Variants in GATAD2A observed in about 807,000 individuals in gnomAD.
The protein encoded by GATAD2A is GATA zinc finger domain containing 2A.
Under a neutral mutation model 68.5 loss-of-function variants are expected in GATAD2A, and 12 were observed. That is an observed-to-expected ratio of 0.18 (90% CI 0.11 to 0.28). The LOEUF (loss-of-function observed/expected upper bound fraction) is 0.28. Ranked by LOEUF, GATAD2A falls within the 10% of genes least tolerant of loss-of-function variation. The pLI is 1.00. For synonymous variants in GATAD2A, 410 were observed against 375.3 expected (o/e 1.09, Z -1.07); for missense variants, 755 against 868.5 (o/e 0.87, Z 1.64).
At position 19,412,807 on chromosome 19, in the gene GATAD2A, C is replaced by T. The variant is rs562367803; in HGVS notation, c.-7+6788C>T. Among the ~76,000 whole-genome samples the T allele has an allele frequency of 3.9e-5, 6 of 152,272 alleles. No individual in the cohort carries two copies. In the East Asian group the frequency reaches 9.6e-4, roughly 24 times the overall value. On this transcript the variant is annotated intron_variant, in intron 1 of 11. Coordinates refer to ENST00000683918, the MANE Select transcript of GATAD2A (RefSeq NM_001384528.1). ...ACTCAACACATTCTTACCTTAGAGA[C>T]GGCTGCTTGCCCTGACCTCGGAGGT...
At chr19:19,457,109 T>C (rs1195005175) in intron 1 of GATAD2A, 1 of 985,480 alleles carries the variant, frequency 1.0e-6, no homozygotes, top group Non-Finnish European at 1.2e-6. Context: ...CTGTGACACC[T>C]CTGCCCACGC....
chr19:19,500,814 G>C (rs1370127108), intron 8 of GATAD2A, among the ~76,000 whole-genome samples: 1 of 152,224 alleles, frequency 6.6e-6, no homozygotes, highest in Non-Finnish European at 1.5e-5. Flanking sequence ...TGGGTGACTT[G>C]CCTGTCACCC....
chr19:19,415,618 A>ATTTTT (rs71170682), intron 1 of GATAD2A, among the ~76,000 whole-genome samples: 1 of 118,056 alleles, frequency 8.5e-6, no homozygotes. Flanking sequence ...CCGGGCTAAT[A>ATTTTT]TTTTTTTTTT....
At chr19:19,412,657 A>C (rs926634800) in intron 1 of GATAD2A, among the ~76,000 whole-genome samples, 4 of 152,132 alleles carry the variant, frequency 2.6e-5, no homozygotes, top group Non-Finnish European at 5.9e-5. Context: ...AGGTCTGATC[A>C]GATTATCTGG....
intron 1 of GATAD2A, among the ~76,000 whole-genome samples, chr19:19,446,310 C>T (rs1008999534): frequency 3.3e-5 from 5 of 152,098 alleles, no homozygotes; most frequent in Admixed American, 6.5e-5. Flanking sequence ...TTCACATGCT[C>T]ATTGGTGATT....
chr19:19,399,504 T>C (rs966130412), intron 1 of GATAD2A, among the ~76,000 whole-genome samples: 2 of 152,212 alleles, frequency 1.3e-5, no homozygotes, highest in Admixed American at 1.3e-4. Flanking sequence ...TTTTAAACTT[T>C]CACTGCATTT....
At chr19:19,413,062 G>T (rs2051155822) in intron 1 of GATAD2A, among the ~76,000 whole-genome samples, 1 of 152,192 alleles carries the variant, frequency 6.6e-6, no homozygotes, top group Non-Finnish European at 1.5e-5. Flanking sequence ...AAATGCATTT[G>T]ATATTTTCTA....
intron 1 of GATAD2A, among the ~76,000 whole-genome samples, chr19:19,388,706 G>A (rs976928871): frequency 6.6e-6 from 1 of 152,002 alleles, no homozygotes; most frequent in Non-Finnish European, 1.5e-5. Flanking sequence ...ACACTGTCAA[G>A]CTGTGGGAGT....
intron 1 of GATAD2A, among the ~76,000 whole-genome samples, chr19:19,429,015 ATG>A (rs1306065635): frequency 2.5e-4 from 32 of 127,208 alleles, no homozygotes; most frequent in Non-Finnish European, 3.8e-4. Flanking sequence ...CAGCATTTGT[ATG>A]TTTTTTTTTT....
intron 1 of GATAD2A, among the ~76,000 whole-genome samples, chr19:19,455,634 C>G (rs1046783274): frequency 1.3e-5 from 2 of 152,110 alleles, no homozygotes; most frequent in African/African-American, 4.8e-5. Context: ...AGAGGTGACT[C>G]ACTAAAGCAT....
intron 1 of GATAD2A, among the ~76,000 whole-genome samples, chr19:19,418,274 C>G (rs1438529872): frequency 6.6e-6 from 1 of 152,212 alleles, no homozygotes; most frequent in Non-Finnish European, 1.5e-5. Context: ...CCCCATCTGA[C>G]TGGCCAGCTC....
At chr19:19,470,143 A>AT (rs750710437) in intron 2 of GATAD2A, among the ~76,000 whole-genome samples, 15,355 of 131,948 alleles carry the variant, frequency 0.12, 1,150 homozygotes, top group African/African-American at 0.19. Flanking sequence ...CTGCGACTTT[A>AT]TTTTTTTTTT....
intron 1 of GATAD2A, among the ~76,000 whole-genome samples, chr19:19,459,342 A>C (rs945148450): frequency 6.6e-6 from 1 of 150,694 alleles, no homozygotes; most frequent in Non-Finnish European, 1.5e-5. Flanking sequence ...TAGTGAAGTT[A>C]CTTTCAGTTT....
intron 7 of GATAD2A, among the ~76,000 whole-genome samples, chr19:19,497,647 C>T (rs2060239984): frequency 6.6e-6 from 1 of 152,156 alleles, no homozygotes. Flanking sequence ...AGGCATCCTG[C>T]ACACCCTGTG....
intron 8 of GATAD2A, among the ~76,000 whole-genome samples, chr19:19,499,501 G>T (rs545843197): frequency 8.4e-4 from 128 of 152,022 alleles, no homozygotes; most frequent in African/African-American, 2.9e-3. Context: ...CTTGGGAGCA[G>T]CGGGGTGGGT....
intron 1 of GATAD2A, among the ~76,000 whole-genome samples, chr19:19,415,622 T>TA (rs1374020890): frequency 6.8e-6 from 1 of 147,898 alleles, no homozygotes; most frequent in Non-Finnish European, 1.5e-5. Flanking sequence ...GCTAATATTT[T>TA]TTTTTTTTTT....
rs566879747 is a variant in GATAD2A, at chr19:19,502,583, C to T, written c.1774+57C>T. 1.1e-4 allele frequency: 149 copies of T among 1,355,710 alleles called. No homozygotes were observed. In the African/African-American group the frequency reaches 2.0e-3, roughly 18 times the overall value. The allele number at this position is 1,355,710 out of a possible 1,614,324, so 84.0% of individuals were successfully genotyped here. On this transcript the variant is annotated intron_variant, in intron 11 of 11. Transcript: ENST00000683918. Reference sequence around the variant, plus strand: ...CCTGCCCATTGTGGGGTTCACCCTTCCTTAACCGAAACAGAGGCACATGTG... The same window carrying T: ...CCTGCCCATTGTGGGGTTCACCCTTTCTTAACCGAAACAGAGGCACATGTG...
intron 1 of GATAD2A, among the ~76,000 whole-genome samples, chr19:19,420,691 C>T (rs377413578): frequency 1.2e-4 from 18 of 152,006 alleles, no homozygotes; most frequent in African/African-American, 3.6e-4. Context: ...GTGTGGATAT[C>T]GGCGGTAGTC....
intron 1 of GATAD2A, among the ~76,000 whole-genome samples, chr19:19,423,621 G>T (rs930437192): frequency 6.6e-6 from 1 of 152,216 alleles, no homozygotes; most frequent in Non-Finnish European, 1.5e-5. Flanking sequence ...AGAATTTACC[G>T]AATTGACTGT....
Sources: allele counts gnomAD v4.1 joint callset (sites outside exome capture counted in the v4.1 genomes callset), GRCh38; gene constraint gnomAD v4.1.1; transcripts MANE v1.5; gene names NCBI Gene and HGNC (gene_info 2026-07-23, HGNC 2026-07-21).